CDKAL1: variants seen among roughly 807,000 people sequenced by gnomAD.
The protein encoded by CDKAL1 is CDKAL1 threonylcarbamoyladenosine tRNA methylthiotransferase.
CDKAL1 carries 32 observed loss-of-function variants against 68.2 expected under a neutral mutation model. That is an observed-to-expected ratio of 0.47 (90% CI 0.35 to 0.63). The LOEUF is 0.63. Among genes scored for constraint, CDKAL1 ranks in the 30% least tolerant of loss-of-function variants. The pLI, the probability that CDKAL1 is intolerant of heterozygous loss-of-function variation, is 0.00. For missense variants in CDKAL1, 606 were observed against 696.7 expected (o/e 0.87, Z 1.47); for synonymous variants, 234 against 244.3 (o/e 0.96, Z 0.39).
chr6:21,009,315 T>C (rs2150836450), intron 11 of CDKAL1, among the ~76,000 whole-genome samples: 1 of 152,360 alleles, frequency 6.6e-6, no homozygotes, highest in Admixed American at 6.5e-5. Flanking sequence ...TTGAAAATTA[T>C]ACTACACTAT....
At chr6:20,630,540 A>C (rs1767632838) in intron 4 of CDKAL1, among the ~76,000 whole-genome samples, 1 of 151,518 alleles carries the variant, frequency 6.6e-6, no homozygotes, top group Non-Finnish European at 1.5e-5. Flanking sequence ...GTGGTTAGAG[A>C]TAATTTATAA....
At chr6:20,632,585 T>C (rs1767722262) in intron 4 of CDKAL1, among the ~76,000 whole-genome samples, 2 of 152,350 alleles carry the variant, frequency 1.3e-5, no homozygotes, top group African/African-American at 2.4e-5. Flanking sequence ...TGTTTAGTGT[T>C]AATTTTTGAT....
intron 5 of CDKAL1, among the ~76,000 whole-genome samples, chr6:20,673,389 T>C (rs1044196848): frequency 1.8e-4 from 27 of 152,258 alleles, no homozygotes; most frequent in African/African-American, 6.3e-4. Flanking sequence ...TCTGGATTAC[T>C]TGTAATCCCT....
intron 8 of CDKAL1, among the ~76,000 whole-genome samples, chr6:20,831,894 T>C (rs1399589708): frequency 6.6e-6 from 1 of 152,152 alleles, no homozygotes; most frequent in African/African-American, 2.4e-5. Context: ...CATCTTCTCA[T>C]GTAGTTGTAA....
chr6:21,096,281 T>A (rs1027494919), intron 12 of CDKAL1, among the ~76,000 whole-genome samples: 1 of 152,164 alleles, frequency 6.6e-6, no homozygotes, highest in African/African-American at 2.4e-5. Context: ...GTCAGAGAAA[T>A]TTCGTTTTCT....
chr6:20,585,278 T>A (rs895094820), intron 4 of CDKAL1, among the ~76,000 whole-genome samples: 1 of 152,130 alleles, frequency 6.6e-6, no homozygotes, highest in Non-Finnish European at 1.5e-5. Flanking sequence ...GGTCTCGATC[T>A]CCTGACCTCG....
At chr6:20,750,951 G>GAAAAAAAAAAAA in intron 6 of CDKAL1, among the ~76,000 whole-genome samples, 1 of 47,082 alleles carries the variant, frequency 2.1e-5, no homozygotes, top group Non-Finnish European at 3.4e-5. Flanking sequence ...GCAACAGAGT[G>GAAAAAAAAAAAA]AAAAAAAAAA....
chr6:20,562,929 A>G (rs1764323045), intron 4 of CDKAL1, among the ~76,000 whole-genome samples: 1 of 152,098 alleles, frequency 6.6e-6, no homozygotes, highest in African/African-American at 2.4e-5. Context: ...ATTGTTTTTG[A>G]TCACCTAGTT....
chr6:20,700,355 CA>C (rs111802988), intron 5 of CDKAL1, among the ~76,000 whole-genome samples: 2,382 of 129,918 alleles, frequency 0.018, 57 homozygotes, highest in African/African-American at 0.059. Context: ...AACTCCATCT[CA>C]AAAAAAAAAA....
chr6:21,084,598 C>G (rs1197873684), intron 12 of CDKAL1, among the ~76,000 whole-genome samples: 1 of 152,190 alleles, frequency 6.6e-6, no homozygotes, highest in Admixed American at 6.5e-5. Flanking sequence ...AAAATATTTT[C>G]CATGTACCTT....
intron 9 of CDKAL1, among the ~76,000 whole-genome samples, chr6:20,924,410 A>G (rs1763094074): frequency 6.6e-6 from 1 of 152,104 alleles, no homozygotes. Flanking sequence ...AAAAGCCGGC[A>G]GGCTGAAAGC....
intron 12 of CDKAL1, among the ~76,000 whole-genome samples, chr6:21,079,287 A>C (rs1277023178): frequency 6.6e-6 from 1 of 152,218 alleles, no homozygotes; most frequent in African/African-American, 2.4e-5. Context: ...AAATAGCTTT[A>C]AACTGTCCTG....
chr6:20,744,790 C>G (rs1413674089), intron 6 of CDKAL1, among the ~76,000 whole-genome samples: 1 of 152,160 alleles, frequency 6.6e-6, no homozygotes, highest in Non-Finnish European at 1.5e-5. Context: ...GGCTCTCACT[C>G]TATTACTAGA....
intron 5 of CDKAL1, among the ~76,000 whole-genome samples, chr6:20,685,273 A>G (rs1770565750): frequency 6.6e-6 from 1 of 152,084 alleles, no homozygotes; most frequent in Non-Finnish European, 1.5e-5. Flanking sequence ...GTACCATCAT[A>G]TTGCTTTCGC....
intron 11 of CDKAL1, among the ~76,000 whole-genome samples, chr6:21,013,451 C>T (rs116074246): frequency 0.02 from 3,104 of 152,202 alleles, 54 homozygotes; most frequent in Middle Eastern, 0.048. Context: ...GGCATACACT[C>T]CATAATAATC....
intron 4 of CDKAL1, among the ~76,000 whole-genome samples, chr6:20,553,919 A>G (rs951889810): frequency 6.6e-6 from 1 of 151,612 alleles, no homozygotes; most frequent in African/African-American, 2.4e-5. Flanking sequence ...GCCAGCTTTT[A>G]AATGATTCTC....
At chr6:20,618,085 C>T (rs1267696807) in intron 4 of CDKAL1, among the ~76,000 whole-genome samples, 2 of 152,114 alleles carry the variant, frequency 1.3e-5, no homozygotes, top group Non-Finnish European at 2.9e-5. Flanking sequence ...TCTGTTGTTT[C>T]CTGACTTTTT....
intron 5 of CDKAL1, among the ~76,000 whole-genome samples, chr6:20,728,980 AATAAC>A (rs1386310860): frequency 1.3e-5 from 2 of 152,214 alleles, no homozygotes; most frequent in Non-Finnish European, 2.9e-5. Flanking sequence ...GTTTTATAAT[AATAAC>A]ATATGGCATT....
At chr6:20,748,791 T>C (rs1773785721) in intron 6 of CDKAL1, among the ~76,000 whole-genome samples, 1 of 138,574 alleles carries the variant, frequency 7.2e-6, no homozygotes, top group Admixed American at 7.1e-5. Flanking sequence ...AAACTGGACC[T>C]AGATATCACT....
Sources: allele counts gnomAD v4.1 joint callset (sites outside exome capture counted in the v4.1 genomes callset), GRCh38; gene constraint gnomAD v4.1.1; transcripts MANE v1.5; gene names NCBI Gene and HGNC (gene_info 2026-07-23, HGNC 2026-07-21).